Variants in GPC6 observed in about 807,000 individuals in gnomAD.
The protein encoded by GPC6 is glypican-6.
A neutral mutation model predicts 55.2 loss-of-function variants in GPC6; 14 were observed. The observed-to-expected ratio is 0.25, with a 90% CI of 0.17 to 0.40. GPC6 has a LOEUF of 0.40. Among genes scored for constraint, GPC6 ranks in the 10% least tolerant of loss-of-function variants. GPC6 has a pLI of 1.00. For missense variants in GPC6, 641 were observed against 708.5 expected, an observed-to-expected ratio of 0.90 and a Z score of 1.08; for synonymous variants, 278 against 259.6, an observed-to-expected ratio of 1.07 and a Z score of -0.68.
At chr13:94,326,993 G>T (rs1196496955) in intron 6 of GPC6, among the ~76,000 whole-genome samples, 1 of 152,178 alleles carries the variant, frequency 6.6e-6, no homozygotes, top group East Asian at 1.9e-4. Flanking sequence ...CAACAATAAC[G>T]TTCTCAAGGG....
chr13:93,272,071 T>C (rs1223116911), intron 1 of GPC6, among the ~76,000 whole-genome samples: 1 of 152,124 alleles, frequency 6.6e-6, no homozygotes, highest in Non-Finnish European at 1.5e-5. Flanking sequence ...TAGTTAATTT[T>C]TTTTTCGCTT....
chr13:94,393,058 G>A (rs539141916), intron 7 of GPC6, among the ~76,000 whole-genome samples: 17 of 152,186 alleles, frequency 1.1e-4, no homozygotes, highest in Non-Finnish European at 2.1e-4. Context: ...TTAAATTATA[G>A]CCATCCTAAT....
intron 4 of GPC6, among the ~76,000 whole-genome samples, chr13:94,087,328 C>CA (rs1885322845): frequency 6.6e-6 from 1 of 152,122 alleles, no homozygotes; most frequent in African/African-American, 2.4e-5. Context: ...ACATGTAAAA[C>CA]AAGGCCAGGG....
At chr13:93,545,823 G>C (rs150197788) in intron 2 of GPC6, among the ~76,000 whole-genome samples, 2 of 152,090 alleles carry the variant, frequency 1.3e-5, no homozygotes, top group African/African-American at 4.8e-5. Flanking sequence ...AAGAGGAAAG[G>C]CTTGTTTTAA....
At chr13:93,428,234 A>G (rs2139270433) in intron 1 of GPC6, among the ~76,000 whole-genome samples, 1 of 152,318 alleles carries the variant, frequency 6.6e-6, no homozygotes, top group African/African-American at 2.4e-5. Flanking sequence ...ATATAATAAC[A>G]CATTTCACCC....
At chr13:94,015,063 T>G (rs1481143727) in intron 3 of GPC6, among the ~76,000 whole-genome samples, 2 of 152,230 alleles carry the variant, frequency 1.3e-5, no homozygotes, top group Non-Finnish European at 2.9e-5. Context: ...AAAGTAGAAT[T>G]GCTAGATCAC....
intron 4 of GPC6, among the ~76,000 whole-genome samples, chr13:94,279,083 G>T (rs754624871): frequency 5.8e-4 from 89 of 152,142 alleles, no homozygotes; most frequent in Non-Finnish European, 2.4e-4. Context: ...TTTTTGGTTG[G>T]TAGGCTATTA....
intron 1 of GPC6, among the ~76,000 whole-genome samples, chr13:93,362,000 TG>T (rs1384954498): frequency 6.6e-6 from 1 of 152,210 alleles, no homozygotes; most frequent in Non-Finnish European, 1.5e-5. Flanking sequence ...CCTCAGTAAG[TG>T]ATGAATTGTT....
At chr13:93,316,591 C>T (rs931519156) in intron 1 of GPC6, among the ~76,000 whole-genome samples, 1 of 152,020 alleles carries the variant, frequency 6.6e-6, no homozygotes, top group African/African-American at 2.4e-5. Context: ...TGGAAAACAG[C>T]AGCTTTTAAA....
chr13:93,341,684 T>G (rs1259426433), intron 1 of GPC6, among the ~76,000 whole-genome samples: 1 of 147,532 alleles, frequency 6.8e-6, no homozygotes, highest in African/African-American at 2.5e-5. Flanking sequence ...TATTGTCTGT[T>G]TACTCCGCTG....
chr13:93,541,745 T>A (rs1252648680), intron 1 of GPC6, among the ~76,000 whole-genome samples: 21 of 148,986 alleles, frequency 1.4e-4, no homozygotes, highest in Admixed American at 5.4e-4. Flanking sequence ...GGTATCTCAT[T>A]GTGGTTTTGA....
At chr13:93,313,291 ATT>A (rs66814954) in intron 1 of GPC6, among the ~76,000 whole-genome samples, 2,364 of 151,562 alleles carry the variant, frequency 0.016, 59 homozygotes, top group African/African-American at 0.055. Context: ...AATGAGGTAA[ATT>A]TTTTTTTTCC....
chr13:94,030,417 A>G (rs1269011924), intron 4 of GPC6, among the ~76,000 whole-genome samples: 1 of 152,116 alleles, frequency 6.6e-6, no homozygotes, highest in Non-Finnish European at 1.5e-5. Context: ...ATACAGACTT[A>G]TGGAGAAAAA....
At chr13:93,273,340 C>T (rs1877607827) in intron 1 of GPC6, among the ~76,000 whole-genome samples, 1 of 152,100 alleles carries the variant, frequency 6.6e-6, no homozygotes, top group Non-Finnish European at 1.5e-5. Context: ...GCTGATAGAA[C>T]TCGTTTGCCT....
intron 2 of GPC6, among the ~76,000 whole-genome samples, chr13:93,669,066 TTATTG>T (rs1406877530): frequency 2.0e-5 from 3 of 152,356 alleles, no homozygotes; most frequent in African/African-American, 7.2e-5. Flanking sequence ...TAGGCAATTC[TTATTG>T]CCTGAACAAT....
chr13:93,237,575 G>GTA (rs1304597830), intron 1 of GPC6, among the ~76,000 whole-genome samples: 1 of 152,062 alleles, frequency 6.6e-6, no homozygotes, highest in Non-Finnish European at 1.5e-5. Flanking sequence ...GATTAATTAA[G>GTA]TCTAACTTAT....
At chr13:93,224,758 G>A (rs982766196), upstream of GPC6, among the ~76,000 whole-genome samples, 4 of 152,130 alleles carry the variant, frequency 2.6e-5, no homozygotes, top group Non-Finnish European at 5.9e-5. Context: ...TTACACCACT[G>A]CAAACAGTGT....
chr13:93,801,758 T>C (rs1445648381), intron 2 of GPC6, among the ~76,000 whole-genome samples: 2 of 152,218 alleles, frequency 1.3e-5, no homozygotes, highest in Non-Finnish European at 2.9e-5. Flanking sequence ...TTACACATTT[T>C]GTAAATGTAG....
chr13:93,239,276 T>C (rs890042196), intron 1 of GPC6, among the ~76,000 whole-genome samples: 3 of 152,030 alleles, frequency 2.0e-5, no homozygotes, highest in Non-Finnish European at 4.4e-5. Context: ...TATTTGTCTG[T>C]TCAGGATTTC....
Sources: gnomAD v4.1 joint callset for allele counts (sites outside exome capture counted in the v4.1 genomes callset) on GRCh38, gnomAD v4.1.1 for gene constraint, MANE v1.5 for transcripts, NCBI Gene and HGNC (gene_info 2026-07-23, HGNC 2026-07-21) for gene names.